Variants in SFT2D1 observed in about 807,000 individuals in gnomAD.
The protein encoded by SFT2D1 is SFT2 domain containing 1, also known as vesicle transport protein SFT2A.
Under a neutral mutation model 28.1 loss-of-function variants are expected in SFT2D1, and 24 were observed. The ratio of observed to expected loss-of-function variants is 0.85; its 90% CI spans 0.62 to 1.20. The LOEUF (loss-of-function observed/expected upper bound fraction) is 1.20. Ranked by LOEUF, SFT2D1 falls within the 50% of genes most tolerant of loss-of-function variation. The pLI is 0.00. For synonymous variants in SFT2D1, 82 were observed against 73.7 expected (o/e 1.11, Z -0.58); for missense variants, 181 against 190.9 (o/e 0.95, Z 0.31).
chr6:166,338,780 G>C (rs186010665), intron 1 of SFT2D1, among the ~76,000 whole-genome samples: 3 of 152,162 alleles, frequency 2.0e-5, no homozygotes, highest in Admixed American at 2.0e-4. Flanking sequence ...TGTGATCAGG[G>C]GAGGAATATG....
Position 166,325,246 on chromosome 6 carries a change from A to G in SFT2D1, c.352-651T>C, listed in dbSNP as rs1778422378. Reference sequence around the variant, plus strand: ...AATGACACGTAAATCAATCTCATATAACTAAAGTCCTGTCCTTACATCATC... The same window carrying G: ...AATGACACGTAAATCAATCTCATATGACTAAAGTCCTGTCCTTACATCATC... On this transcript the variant is annotated intron_variant, in intron 5 of 7. Coordinates refer to ENST00000361731, the MANE Select transcript of SFT2D1 (RefSeq NM_145169.3). Among the ~76,000 whole-genome samples, 3 of 152,298 alleles carry G rather than the reference A, an allele frequency of 2.0e-5. No individual in the cohort carries two copies. The South Asian group carries it at 6.2e-4, about 32-fold the overall frequency.
At chr6:166,332,828 A>AT in intron 1 of SFT2D1, among the ~76,000 whole-genome samples, 1 of 152,296 alleles carries the variant, frequency 6.6e-6, no homozygotes, top group East Asian at 1.9e-4. Flanking sequence ...TCATTCATTA[A>AT]TTTTTTACAA....
intron 4 of SFT2D1, among the ~76,000 whole-genome samples, chr6:166,326,895 GAATATAAACTACTTATATTCTAACAGTGA>G (rs1226151852): frequency 3.3e-5 from 5 of 152,288 alleles, no homozygotes; most frequent in Non-Finnish European, 7.4e-5. Context: ...AATCTTAGTG[GAATATAAACTACTTATATTCTAACAGTGA>G]AATATACTTT....
intron 7 of SFT2D1, among the ~76,000 whole-genome samples, 170 bp downstream of exon 7, chr6:166,322,687 C>G (rs1778378369): frequency 1.2e-5 from 1 of 86,242 alleles, no homozygotes; most frequent in African/African-American, 5.3e-5. Context: ...GAGACTCTGT[C>G]TCAAAAAAAA....
intron 1 of SFT2D1, among the ~76,000 whole-genome samples, chr6:166,333,367 C>A (rs1778585795): frequency 6.6e-6 from 1 of 152,186 alleles, no homozygotes; most frequent in Admixed American, 6.5e-5. Context: ...ACTGGCCTTT[C>A]CCCTCCACTC....
rs375519538 is a variant in SFT2D1 at position 166,342,400 on chromosome 6, G to A, written c.63+19C>T. Reference sequence around the variant, plus strand: ...CCAGCGGGCAGCCCCGGGACTGGACGAGGGCGCAAGTTCGCTACCTGCGCA... The same window carrying A: ...CCAGCGGGCAGCCCCGGGACTGGACAAGGGCGCAAGTTCGCTACCTGCGCA... On this transcript the variant is annotated intron_variant, in intron 1 of 7. Coordinates refer to ENST00000361731, the MANE Select transcript of SFT2D1 (RefSeq NM_145169.3). 3.2e-6 allele frequency: 5 copies of A among 1,548,212 alleles called. No homozygotes were observed. Among genetic ancestry groups the A allele is most frequent in the African/African-American group, 1.4e-5 (1 of 73,116 alleles).
At chr6:166,339,705 T>C (rs1778737102) in intron 1 of SFT2D1, among the ~76,000 whole-genome samples, 1 of 152,082 alleles carries the variant, frequency 6.6e-6, no homozygotes, top group African/African-American at 2.4e-5. Context: ...TAAAGCACTC[T>C]CTTCCCTCAC....
chr6:166,341,112 A>G (rs1268844346), intron 1 of SFT2D1, among the ~76,000 whole-genome samples: 1 of 152,198 alleles, frequency 6.6e-6, no homozygotes, highest in Non-Finnish European at 1.5e-5. Flanking sequence ...TGCTGTGACT[A>G]AGGAACTGAA....
chr6:166,335,182 G>T, intron 1 of SFT2D1: 1 of 621,786 alleles, frequency 1.6e-6, no homozygotes, highest in Non-Finnish European at 3.0e-6. Context: ...AAACTTTGGT[G>T]GTGGTTGTGG....
chr6:166,341,403 C>T (rs2114917925), intron 1 of SFT2D1, among the ~76,000 whole-genome samples: 1 of 148,888 alleles, frequency 6.7e-6, no homozygotes, highest in East Asian at 2.0e-4. Context: ...GAGTCGAGAT[C>T]ACGCCACTGC....
chr6:166,331,972 A>G (rs1778561045), intron 1 of SFT2D1, among the ~76,000 whole-genome samples: 1 of 152,234 alleles, frequency 6.6e-6, no homozygotes, highest in African/African-American at 2.4e-5. Context: ...TTTTTCTCTC[A>G]GCAAGGAAAC....
intron 1 of SFT2D1, among the ~76,000 whole-genome samples, chr6:166,339,919 T>C (rs1778744481): frequency 6.6e-6 from 1 of 152,224 alleles, no homozygotes; most frequent in South Asian, 2.1e-4. Context: ...ACTGCTTTCC[T>C]CACATCTCCA....
At position 166,320,274 on chromosome 6, in the gene SFT2D1, G is replaced by GA. The variant is rs759238988; in HGVS notation, c.441-19dup. 1.2e-5 allele frequency: 20 copies of GA among 1,601,150 alleles called. No homozygotes were observed. Among genetic ancestry groups the GA allele is most frequent in the African/African-American group, 9.4e-5 (7 of 74,308 alleles). On this transcript the variant is annotated intron_variant, in intron 7 of 7. Transcript: ENST00000361731. ...CTGCATCCCTGGTGGAAAAGAGAGG[G>GA]AAAAAAACAGAATATAATATTCCTC...
At chr6:166,329,070 G>T (rs923654481) in intron 3 of SFT2D1, among the ~76,000 whole-genome samples, 1 of 152,082 alleles carries the variant, frequency 6.6e-6, no homozygotes, top group Admixed American at 6.6e-5. Flanking sequence ...CCTGGGCTCC[G>T]GATTCCCACC....
chr6:166,324,776 T>A, intron 5 of SFT2D1, 181 bp from the exon 6 acceptor site: 1 of 593,388 alleles, frequency 1.7e-6, no homozygotes, highest in Non-Finnish European at 2.9e-6. Context: ...AAAATACATT[T>A]CCTTTCTAAA....
In SFT2D1 at chr6:166,324,603, C is replaced by A; in HGVS notation, c.352-8G>T. On this transcript the variant is annotated splice_polypyrimidine_tract_variant and splice_region_variant and intron_variant, in intron 5 of 7. Coordinates refer to ENST00000361731, the MANE Select transcript of SFT2D1 (RefSeq NM_145169.3). The stretch of plus-strand genomic sequence containing the variant: ...CAGTCCCTTCTTATGCCACTAACAA[C>A]AGCAAAAACAGAGCAATTATGAGTT... 1 of 1,609,102 alleles carries A rather than the reference C, an allele frequency of 6.2e-7. No homozygotes were observed. The highest frequency in any genetic ancestry group is 8.5e-7 in the Non-Finnish European group (1 of 1,178,748).
chr6:166,326,192 A>AT (rs767263786), intron 4 of SFT2D1, 25 bp from the exon 5 acceptor site: 1 of 1,604,218 alleles, frequency 6.2e-7, no homozygotes, highest in Non-Finnish European at 8.5e-7. Context: ...AGAGTAGATT[A>AT]TAAGTTTGAG....
intron 1 of SFT2D1, among the ~76,000 whole-genome samples, chr6:166,340,087 C>T (rs895565106): frequency 6.6e-6 from 1 of 152,258 alleles, no homozygotes; most frequent in East Asian, 1.9e-4. Flanking sequence ...TCTCACACAT[C>T]CAATCCGTCA....
At chr6:166,329,665 TAATAC>T (rs967335863) in intron 2 of SFT2D1, 76 bp from the exon 3 acceptor site, 5 of 1,135,766 alleles carry the variant, frequency 4.4e-6, no homozygotes, top group Non-Finnish European at 6.3e-6. Context: ...GCTACTGCAG[TAATAC>T]AATACCAATA....
Sources: gnomAD v4.1 joint callset for allele counts (sites outside exome capture counted in the v4.1 genomes callset) on GRCh38, gnomAD v4.1.1 for gene constraint, MANE v1.5 for transcripts, NCBI Gene and HGNC (gene_info 2026-07-23, HGNC 2026-07-21) for gene names.